RGS22: variants seen among roughly 807,000 people sequenced by gnomAD.
RGS22 encodes the protein regulator of G-protein signaling 22.
RGS22 carries 148 observed loss-of-function variants against 172.9 expected under a neutral mutation model. The ratio of observed to expected loss-of-function variants is 0.86; its 90% CI spans 0.75 to 0.98. The LOEUF (loss-of-function observed/expected upper bound fraction) is 0.98. Ranked by LOEUF, RGS22 falls within the 50% of genes least tolerant of loss-of-function variation. RGS22 has a pLI of 0.00. For synonymous variants in RGS22, 458 were observed against 480.2 expected, an observed-to-expected ratio of 0.95 and a Z score of 0.60; for missense variants, 1,347 against 1,440.8, an observed-to-expected ratio of 0.93 and a Z score of 1.05.
intron 14 of RGS22, among the ~76,000 whole-genome samples, chr8:100,020,857 ATG>A (rs1372109625): frequency 1.3e-5 from 2 of 152,200 alleles, no homozygotes; most frequent in African/African-American, 2.4e-5. Flanking sequence ...AATATTACCC[ATG>A]GTCTTGAGGT....
intron 23 of RGS22, among the ~76,000 whole-genome samples, chr8:99,975,695 C>CTTATTTAT (rs571338031): frequency 6.6e-6 from 1 of 150,678 alleles, no homozygotes; most frequent in African/African-American, 2.4e-5. Context: ...TTATGATTCT[C>CTTATTTAT]TTATTTATTT....
At chr8:100,021,932 A>G (rs557246787) in intron 14 of RGS22, among the ~76,000 whole-genome samples, 1 of 152,318 alleles carries the variant, frequency 6.6e-6, no homozygotes, top group South Asian at 2.1e-4. Context: ...ATAGAACATT[A>G]TTATCTGAGT....
At chr8:100,054,446 A>G (rs892242940) in intron 9 of RGS22, 2 of 154,120 alleles carry the variant, frequency 1.3e-5, no homozygotes, top group Non-Finnish European at 2.9e-5. Context: ...TTTTCAAATT[A>G]GCTGAGCATA....
At chr8:100,103,181 T>C (rs1225816262) in intron 2 of RGS22, among the ~76,000 whole-genome samples, 2 of 152,210 alleles carry the variant, frequency 1.3e-5, no homozygotes, top group Admixed American at 6.5e-5. Flanking sequence ...AGCAAAGGAA[T>C]AGGAAGTAAT....
intron 11 of RGS22, among the ~76,000 whole-genome samples, chr8:100,044,667 C>T (rs191689513): frequency 5.8e-5 from 8 of 138,016 alleles, no homozygotes; most frequent in Admixed American, 2.3e-4. Flanking sequence ...TTGGTCTTCT[C>T]TTCAAGTTCC....
At chr8:100,043,010 C>T (rs911721154) in intron 11 of RGS22, among the ~76,000 whole-genome samples, 1 of 152,162 alleles carries the variant, frequency 6.6e-6, no homozygotes, top group Admixed American at 6.5e-5. Context: ...ATATTAGGAG[C>T]CGCAACACTG....
intron 3 of RGS22, among the ~76,000 whole-genome samples, chr8:100,081,362 GTATATATA>G (rs71274952): frequency 7.0e-6 from 1 of 143,492 alleles, no homozygotes; most frequent in East Asian, 2.0e-4. Context: ...GTGCGTGTAT[GTATATATA>G]TATATATATA....
At chr8:100,081,362 G>GTATGTATA (rs1554636414) in intron 3 of RGS22, among the ~76,000 whole-genome samples, 2 of 143,492 alleles carry the variant, frequency 1.4e-5, no homozygotes, top group Admixed American at 1.4e-4. Flanking sequence ...GTGCGTGTAT[G>GTATGTATA]TATATATATA....
intron 14 of RGS22, among the ~76,000 whole-genome samples, chr8:100,032,280 G>A (rs1355057170): frequency 1.3e-5 from 2 of 152,132 alleles, no homozygotes; most frequent in African/African-American, 4.8e-5. Context: ...CATCTCACGT[G>A]CAGAGACACA....
chr8:100,054,792 C>A (rs1822070146), intron 9 of RGS22, among the ~76,000 whole-genome samples: 2 of 152,004 alleles, frequency 1.3e-5, no homozygotes, highest in African/African-American at 4.8e-5. Context: ...TTCAAAATTA[C>A]TTATTTGCAT....
chr8:100,028,663 C>T (rs938660373), intron 14 of RGS22, among the ~76,000 whole-genome samples: 1 of 152,034 alleles, frequency 6.6e-6, no homozygotes, highest in Non-Finnish European at 1.5e-5. Flanking sequence ...TAAAAAACCC[C>T]ACTAAAAAGC....
At chr8:100,008,934 T>A (rs915231423) in intron 14 of RGS22, among the ~76,000 whole-genome samples, 1 of 152,196 alleles carries the variant, frequency 6.6e-6, no homozygotes, top group African/African-American at 2.4e-5. Flanking sequence ...GAAATACTTT[T>A]TTTTGGAAAC....
intron 14 of RGS22, among the ~76,000 whole-genome samples, chr8:100,034,257 T>G (rs1015006065): frequency 6.6e-6 from 1 of 152,174 alleles, no homozygotes; most frequent in Non-Finnish European, 1.5e-5. Context: ...GATAAGCAAC[T>G]TCAGCAAAGT....
chr8:100,028,139 T>G (rs1267739724), intron 14 of RGS22, among the ~76,000 whole-genome samples: 1 of 152,150 alleles, frequency 6.6e-6, no homozygotes, highest in Non-Finnish European at 1.5e-5. Context: ...TTGTGGGTCT[T>G]ATAACCCACA....
intron 22 of RGS22, among the ~76,000 whole-genome samples, chr8:99,981,653 T>C (rs1244649540): frequency 1.3e-5 from 2 of 152,038 alleles, no homozygotes; most frequent in Non-Finnish European, 2.9e-5. Flanking sequence ...ACTGGAACCT[T>C]GTCAAATATG....
chr8:99,994,231 T>C lies in RGS22; in HGVS notation c.3018+2231A>G, dbSNP rs191952611. Among the ~76,000 whole-genome samples the C allele has an allele frequency of 2.2e-4, 33 of 152,172 alleles. No homozygotes were observed. The East Asian group carries it at 5.2e-3, about 24-fold the overall frequency. On this transcript the variant is annotated intron_variant, in intron 20 of 27. Transcript: ENST00000360863. ...AGACAAGGATGCCCTCTCTCACCAC[T>C]CCTATTCAATGTAGTGTTGGAAGTT... is the stretch of plus-strand genomic sequence containing the variant.
At chr8:100,050,050 C>A (rs1408659815) in intron 10 of RGS22, among the ~76,000 whole-genome samples, 25 of 131,766 alleles carry the variant, frequency 1.9e-4, no homozygotes, top group South Asian at 2.5e-4. Flanking sequence ...ACTCCATCTC[C>A]AAAAAAAAAA....
intron 8 of RGS22, 147 bp downstream of exon 8, chr8:100,063,266 TATA>T (rs1359560816): frequency 1.3e-5 from 7 of 522,840 alleles, no homozygotes; most frequent in Non-Finnish European, 1.9e-5. Flanking sequence ...TATTTACTAT[TATA>T]ATAAGTTTTA....
Position 100,038,929 on chromosome 8 carries a change from A to C in RGS22, c.2166+2T>G, listed in dbSNP as rs781639796. ...ATTGAACCAATATTATTTACTACGT[A>C]CTTGCGCTTGCTTGCATACTTTAAA... On this transcript the variant is annotated splice_donor_variant, in intron 14 of 27. Transcript: ENST00000360863. LOFTEE classifies it high-confidence loss of function. 2.5e-6 allele frequency: 4 copies of C among 1,594,822 alleles called. No individual in the cohort carries two copies. Among genetic ancestry groups the C allele is most frequent in the Non-Finnish European group, 3.4e-6 (4 of 1,164,232 alleles).
Sources: gnomAD v4.1 joint callset for allele counts (sites outside exome capture counted in the v4.1 genomes callset) on GRCh38, gnomAD v4.1.1 for gene constraint, MANE v1.5 for transcripts, NCBI Gene and HGNC (gene_info 2026-07-23, HGNC 2026-07-21) for gene names.